The following DCLK3 variants were observed in gnomAD, a reference collection of about 807,000 sequenced individuals.
DCLK3 encodes serine/threonine-protein kinase DCLK3.
DCLK3 carries 30 observed loss-of-function variants against 46.4 expected under a neutral mutation model. The ratio of observed to expected loss-of-function variants is 0.65; its 90% CI spans 0.48 to 0.88. The LOEUF (loss-of-function observed/expected upper bound fraction) is 0.88. DCLK3 is among the 40% of genes least tolerant of loss of function. DCLK3 has a pLI of 0.00. For missense variants in DCLK3, 846 were observed against 907.1 expected (o/e 0.93, Z 0.87); for synonymous variants, 401 against 339.2 (o/e 1.18, Z -2.00).
At chr3:36,741,723 G>A (rs1338820952) in intron 1 of DCLK3, among the ~76,000 whole-genome samples, 12 of 152,220 alleles carry the variant, frequency 7.9e-5, no homozygotes, top group Non-Finnish European at 7.3e-5. Flanking sequence ...ATGTGGAGAG[G>A]AAGACACTGG....
At chr3:36,750,447 GT>G (rs1248327198) in intron 1 of DCLK3, among the ~76,000 whole-genome samples, 2 of 152,182 alleles carry the variant, frequency 1.3e-5, no homozygotes, top group Non-Finnish European at 2.9e-5. Flanking sequence ...CCACTGTGCT[GT>G]TTATTGGAGG....
rs201215498 is a variant in DCLK3, at chr3:36,737,947, C to G, written c.1220G>C (p.Gly407Ala). The G allele has an allele frequency of 2.2e-4, 362 of 1,614,172 alleles. 1 individual carries two copies. In the African/African-American group the frequency reaches 3.5e-3, roughly 16 times the overall value. The change falls in exon 2 of 5, where the codon GGA (glycine) becomes GCA (alanine). Residue 407 changes from glycine (G) to alanine (A), a missense_variant. Around this residue, in one of 3 missense-constraint regions of DCLK3, gnomAD observed 553 missense variants for 543.0 expected, o/e 1.02. Coordinates refer to ENST00000636136, the MANE Select transcript of DCLK3 (RefSeq NM_001394672.2). The surrounding 1 kb of genome is among the most constrained non-coding windows in gnomAD (Gnocchi z 4.4). The part of the protein sequence containing the change: ...GPEDQESHAQ[G>A]AAKAKKDLVE... ...AAGGTCCTTCTTGGCCTTGGCTGCT[C>G]CCTGAGCATGGCTTTCTTGATCCTC... is the stretch of plus-strand genomic sequence containing the variant.
intron 2 of DCLK3, among the ~76,000 whole-genome samples, chr3:36,735,371 A>T (rs1211740609): frequency 6.6e-6 from 1 of 152,230 alleles, no homozygotes. Context: ...GAGTTATTTG[A>T]TGGTAATTCA....
chr3:36,738,082 C>T lies in DCLK3; in HGVS notation c.1085G>A (p.Ser362Asn), dbSNP rs973033632. The T allele has an allele frequency of 6.2e-7, 1 of 1,613,580 alleles. No homozygotes were observed. The highest frequency in any genetic ancestry group is 1.1e-5 in the South Asian group (1 of 90,924). ...CRRSPEANPA[S>N]GEEGWKGDSH... ...GTCACCCTTCCACCCTTCCTCCCCA[C>T]TTGCAGGATTTGCCTCGGGAGACCT... The change falls in exon 2 of 5, where the codon AGT becomes AAT. Residue 362 changes from serine to asparagine, a missense_variant. Ser to Asn is a conservative substitution (Grantham distance 46, BLOSUM62 1). Coordinates refer to ENST00000636136, the MANE Select transcript of DCLK3 (RefSeq NM_001394672.2).
intron 1 of DCLK3, among the ~76,000 whole-genome samples, chr3:36,748,710 A>T (rs1212031056): frequency 6.6e-6 from 1 of 152,152 alleles, no homozygotes; most frequent in Non-Finnish European, 1.5e-5. Context: ...GCCAGCGACC[A>T]TAACACTAAC....
chr3:36,728,885 T>C lies in DCLK3; in HGVS notation c.1960-7226A>G, dbSNP rs534720205. ...TCTCCTGGTCACCCTCCCTCACTCA[T>C]CCCTATTCCAAGTGCAGCCCCTGGA... On this transcript the variant is annotated intron_variant, in intron 2 of 4. Transcript: ENST00000636136. 2.6e-5 allele frequency among the ~76,000 whole-genome samples: 4 copies of C among 152,200 alleles called. No homozygotes were observed. The South Asian group carries it at 8.3e-4, about 32-fold the overall frequency.
At chr3:36,728,565 G>A (rs1313061086) in intron 2 of DCLK3, among the ~76,000 whole-genome samples, 2 of 152,030 alleles carry the variant, frequency 1.3e-5, no homozygotes, top group African/African-American at 4.8e-5. Flanking sequence ...CCTCCTCCTG[G>A]GACATCAGAA....
At chr3:36,762,439 C>G (rs996853523) in intron 1 of DCLK3, among the ~76,000 whole-genome samples, 6 of 152,038 alleles carry the variant, frequency 3.9e-5, no homozygotes, top group African/African-American at 1.2e-4. Flanking sequence ...GAAAAAGTAG[C>G]AAGCCAAGCG....
chr3:36,745,941 C>T (rs927842891), intron 1 of DCLK3, among the ~76,000 whole-genome samples: 1 of 152,124 alleles, frequency 6.6e-6, no homozygotes, highest in Non-Finnish European at 1.5e-5. Flanking sequence ...GAAGCCTGGC[C>T]AATGTCTATA....
At chr3:36,717,866 A>G (rs1303473065) in intron 4 of DCLK3, 144 bp downstream of exon 4, 3 of 1,104,144 alleles carry the variant, frequency 2.7e-6, no homozygotes, top group Non-Finnish European at 3.9e-6. Flanking sequence ...ACACAAACCT[A>G]CATGAAGCTA....
chr3:36,724,805 A>T (rs1435933742), intron 2 of DCLK3, among the ~76,000 whole-genome samples: 1 of 152,110 alleles, frequency 6.6e-6, no homozygotes, highest in African/African-American at 2.4e-5. Context: ...ACAGACTAAT[A>T]CATACCCACA....
Position 36,737,084 on chromosome 3 carries a change from T to C in DCLK3, c.1959+124A>G, listed in dbSNP as rs905418005. The C allele has an allele frequency of 8.8e-5, 116 of 1,322,002 alleles. 1 individual carries two copies. In the African/African-American group the frequency reaches 1.6e-3, roughly 19 times the overall value. 81.9% of individuals were successfully genotyped at this position (1,322,002 alleles called of 1,614,324 possible). Reference sequence around the variant, plus strand: ...ATAGTTTTAAATACTGGAACAAGTATGTTATAATAACATAAAAGTAAAATT... The same window carrying C: ...ATAGTTTTAAATACTGGAACAAGTACGTTATAATAACATAAAAGTAAAATT... On this transcript the variant is annotated intron_variant, in intron 2 of 4. Transcript: ENST00000636136. This position sits in a 1 kb window ranked among gnomAD's most constrained non-coding sequence, Gnocchi z 4.4.
Position 36,718,101 on chromosome 3 carries a change from G to A in DCLK3, c.2169C>T (p.Arg723=). The part of the protein sequence containing the change: ...YILLCGFPPF[R]SPERDQDELF... ...GCTCGTCCTGGTCCCTCTCAGGGCT[G>A]CGGAATGGGGGAAAGCCACACAGCA... is the stretch of plus-strand genomic sequence containing the variant. Residue 723 remains arginine (R), a synonymous_variant, in exon 4 of 5, where the codon CGC becomes CGT. Transcript: ENST00000636136. 6.2e-7 allele frequency: 1 copy of A among 1,614,196 alleles called. No individual in the cohort carries two copies. Among genetic ancestry groups the A allele is most frequent in the Non-Finnish European group, 8.5e-7 (1 of 1,180,034 alleles).
At chr3:36,731,188 T>C (rs1262002174) in intron 2 of DCLK3, among the ~76,000 whole-genome samples, 2 of 152,080 alleles carry the variant, frequency 1.3e-5, no homozygotes, top group Non-Finnish European at 2.9e-5. Context: ...ACTGTAGGTG[T>C]TTCCTGAACT....
chr3:36,733,895 C>T (rs1169526779), intron 2 of DCLK3, among the ~76,000 whole-genome samples: 1 of 152,202 alleles, frequency 6.6e-6, no homozygotes, highest in East Asian at 1.9e-4. Flanking sequence ...GCTTTTAGCA[C>T]ATACAGATAG....
rs1469107141 is a variant in DCLK3 at position 36,745,239 on chromosome 3, C to T, written c.83-6155G>A. 2.6e-5 allele frequency among the ~76,000 whole-genome samples: 4 copies of T among 151,898 alleles called. No homozygotes were observed. The South Asian group carries it at 8.3e-4, about 32-fold the overall frequency. On this transcript the variant is annotated intron_variant, in intron 1 of 4. Transcript: ENST00000636136. ...TAAATCACAATTAAAGAGATTTTAC[C>T]TTTTCCAAGTCATTTTAAAATAACT...
chr3:36,751,671 G>C (rs1207312608), intron 1 of DCLK3, among the ~76,000 whole-genome samples: 1 of 152,242 alleles, frequency 6.6e-6, no homozygotes, highest in African/African-American at 2.4e-5. Context: ...TTGTGGTTAA[G>C]CTTCTTTGGG....
Position 36,761,543 on chromosome 3 carries a change from A to G in DCLK3, c.82+2639T>C, listed in dbSNP as rs113773174. Among the ~76,000 whole-genome samples the G allele has an allele frequency of 1.6e-3, 248 of 152,308 alleles. 2 individuals are homozygous for G. Among genetic ancestry groups the G allele is most frequent in the African/African-American group, 5.3e-3 (219 of 41,554 alleles). ...TTCTTTTCAAAGAACTCCCCCACGTATGCATCTTCAAAAGGGGCTCTGCTC... is the reference window on the plus strand; with the variant it reads ...TTCTTTTCAAAGAACTCCCCCACGTGTGCATCTTCAAAAGGGGCTCTGCTC... On this transcript the variant is annotated intron_variant, in intron 1 of 4. Coordinates refer to ENST00000636136, the MANE Select transcript of DCLK3 (RefSeq NM_001394672.2).
At chr3:36,751,397 A>G (rs1701440424) in intron 1 of DCLK3, among the ~76,000 whole-genome samples, 1 of 152,188 alleles carries the variant, frequency 6.6e-6, no homozygotes, top group Non-Finnish European at 1.5e-5. Context: ...AGCTGTAAAG[A>G]TTGTAATGAG....
Sources: gnomAD v4.1 joint callset for allele counts (sites outside exome capture counted in the v4.1 genomes callset) on GRCh38, gnomAD v4.1.1 for gene constraint, gnomAD v4.1.1 regional missense constraint, Gnocchi (gnomAD v3.1) non-coding constraint, MANE v1.5 for transcripts, NCBI Gene and HGNC (gene_info 2026-07-23, HGNC 2026-07-21) for gene names.